The following GALNT17 variants were observed in gnomAD, a reference collection of about 807,000 sequenced individuals.
The protein encoded by GALNT17 is polypeptide N-acetylgalactosaminyltransferase 17.
GALNT17 carries 29 observed loss-of-function variants against 63.7 expected under a neutral mutation model. The ratio of observed to expected loss-of-function variants is 0.46; its 90% CI spans 0.34 to 0.62. The LOEUF (loss-of-function observed/expected upper bound fraction) is 0.62, where lower values mean the gene tolerates loss of function less well. Ranked by LOEUF, GALNT17 falls within the 20% of genes least tolerant of loss-of-function variation. The pLI, the probability that GALNT17 is intolerant of heterozygous loss-of-function variation, is 0.01. For synonymous variants in GALNT17, 305 were observed against 318.3 expected, an observed-to-expected ratio of 0.96 and a Z score of 0.45; for missense variants, 603 against 799.6, an observed-to-expected ratio of 0.75 and a Z score of 2.97.
rs751208987 is a variant in GALNT17 at position 71,369,158 on chromosome 7, A to G, written c.423-19077A>G. Among the ~76,000 whole-genome samples the G allele has an allele frequency of 9.8e-5, 15 of 152,326 alleles. No individual in the cohort carries two copies. In the South Asian group the frequency reaches 2.3e-3, roughly 23 times the overall value. The stretch of plus-strand genomic sequence containing the variant: ...TCTGCACAACCTACTCTTAGTACAC[A>G]TGACCAGAATGCCTTTTCTCTGTTA... On this transcript the variant is annotated intron_variant, in intron 2 of 10. Coordinates refer to ENST00000333538, the MANE Select transcript of GALNT17 (RefSeq NM_022479.3).
intron 2 of GALNT17, among the ~76,000 whole-genome samples, chr7:71,380,318 T>C (rs923625398): frequency 2.6e-5 from 4 of 152,064 alleles, no homozygotes; most frequent in African/African-American, 9.7e-5. Context: ...TATTTACTTA[T>C]TTTTTATTAG....
At chr7:71,408,898 GTGTGTGTATGTATGTA>G (rs1793378424) in intron 3 of GALNT17, among the ~76,000 whole-genome samples, 1 of 149,740 alleles carries the variant, frequency 6.7e-6, no homozygotes, top group South Asian at 2.1e-4. Flanking sequence ...ATATGTGTGT[GTGTGTGTATGTATGTA>G]TGTATGTATG....
rs147158480 is a variant in GALNT17 at position 71,590,568 on chromosome 7, G to A, written c.1080+19166G>A. Among the ~76,000 whole-genome samples, 19 of 152,306 alleles carry A rather than the reference G, an allele frequency of 1.2e-4. No homozygotes were observed. In the East Asian group the frequency reaches 2.7e-3, roughly 22 times the overall value. Reference sequence around the variant, plus strand: ...TATGGCTCTGGGTTTCTGGGGCAAGGCCCTAGGAGATGACATCCTGATGTG... The same window carrying A: ...TATGGCTCTGGGTTTCTGGGGCAAGACCCTAGGAGATGACATCCTGATGTG... On this transcript the variant is annotated intron_variant, in intron 6 of 10. Coordinates refer to ENST00000333538, the MANE Select transcript of GALNT17 (RefSeq NM_022479.3).
rs75083755 is a variant in GALNT17, at chr7:71,426,442, T to A, written c.962+5337T>A. Among the ~76,000 whole-genome samples, 423 of 152,344 alleles carry A rather than the reference T, an allele frequency of 2.8e-3. 11 individuals carry two copies. The East Asian group carries it at 0.062, about 22-fold the overall frequency. Reference sequence around the variant, plus strand: ...TGTTCTCCAAGAGCAACTTCCTTTCTGTTAGGCGGTTCTTGAATTGCTACA... The same window carrying A: ...TGTTCTCCAAGAGCAACTTCCTTTCAGTTAGGCGGTTCTTGAATTGCTACA... On this transcript the variant is annotated intron_variant, in intron 5 of 10. Transcript: ENST00000333538.
intron 5 of GALNT17, among the ~76,000 whole-genome samples, chr7:71,539,764 A>G (rs1788858254): frequency 1.7e-5 from 2 of 117,068 alleles, no homozygotes; most frequent in Non-Finnish European, 3.2e-5. Context: ...GCCTGGGCGC[A>G]TGATCACAGC....
intron 1 of GALNT17, among the ~76,000 whole-genome samples, chr7:71,321,192 C>G (rs1015797140): frequency 1.3e-5 from 2 of 152,118 alleles, no homozygotes; most frequent in Non-Finnish European, 2.9e-5. Flanking sequence ...CTTACCTGCT[C>G]CTAGATCAGC....
chr7:71,493,358 A>G (rs1055865140), intron 5 of GALNT17, among the ~76,000 whole-genome samples: 3 of 152,208 alleles, frequency 2.0e-5, no homozygotes, highest in Non-Finnish European at 4.4e-5. Flanking sequence ...AAAGAGAAGG[A>G]AATGAGTTTT....
At chr7:71,577,182 A>AT (rs1789552929) in intron 6 of GALNT17, among the ~76,000 whole-genome samples, 1 of 152,118 alleles carries the variant, frequency 6.6e-6, no homozygotes, top group Non-Finnish European at 1.5e-5. Context: ...GGACATAAAG[A>AT]TGGGAATGAC....
At chr7:71,630,702 G>A (rs367919232) in intron 6 of GALNT17, among the ~76,000 whole-genome samples, 1 of 152,098 alleles carries the variant, frequency 6.6e-6, no homozygotes, top group Non-Finnish European at 1.5e-5. Context: ...AAAATACCAG[G>A]GCACCTCATA....
chr7:71,378,323 C>A (rs1792782798), intron 2 of GALNT17, among the ~76,000 whole-genome samples: 1 of 152,126 alleles, frequency 6.6e-6, no homozygotes, highest in African/African-American at 2.4e-5. Flanking sequence ...CTCAGTGATT[C>A]CAACCCCCAT....
intron 1 of GALNT17, among the ~76,000 whole-genome samples, chr7:71,241,275 A>T (rs1173287064): frequency 6.6e-6 from 1 of 152,174 alleles, no homozygotes; most frequent in Non-Finnish European, 1.5e-5. Flanking sequence ...TGTTTGGGTA[A>T]GTAAGCTCCC....
chr7:71,278,139 T>G (rs993578879), intron 1 of GALNT17, among the ~76,000 whole-genome samples: 4 of 152,350 alleles, frequency 2.6e-5, no homozygotes, highest in African/African-American at 9.6e-5. Flanking sequence ...TCACTGTGTG[T>G]CAGTTACTAT....
At chr7:71,149,828 C>A (rs1344367376) in intron 1 of GALNT17, among the ~76,000 whole-genome samples, 1 of 152,194 alleles carries the variant, frequency 6.6e-6, no homozygotes, top group African/African-American at 2.4e-5. Flanking sequence ...TGCCCCGTGT[C>A]CTTCCTATGA....
chr7:71,560,119 G>A (rs929399640), intron 5 of GALNT17, among the ~76,000 whole-genome samples: 12 of 149,018 alleles, frequency 8.1e-5, no homozygotes, highest in Admixed American at 4.1e-4. Flanking sequence ...GCTTGAATCC[G>A]GGAGGCGGAG....
At chr7:71,524,578 T>C (rs1353426750) in intron 5 of GALNT17, among the ~76,000 whole-genome samples, 4 of 152,204 alleles carry the variant, frequency 2.6e-5, no homozygotes, top group Non-Finnish European at 5.9e-5. Context: ...CTAAAACATT[T>C]GGAAATTGTC....
rs139280744 is a variant in GALNT17 at position 71,418,996 on chromosome 7, G to A, written c.765-1912G>A. Among the ~76,000 whole-genome samples the A allele has an allele frequency of 6.5e-3, 984 of 152,220 alleles. 43 individuals carry two copies. The highest frequency in any genetic ancestry group is 0.062 in the Admixed American group (948 of 15,290). On this transcript the variant is annotated intron_variant, in intron 4 of 10. Coordinates refer to ENST00000333538, the MANE Select transcript of GALNT17 (RefSeq NM_022479.3). ...CTCAGGAGGCTGAGGCAGGAGAATC[G>A]CTTGAACCTGGGAGGCGGAAGTTGC...
intron 3 of GALNT17, among the ~76,000 whole-genome samples, chr7:71,408,420 G>T (rs1466728272): frequency 6.6e-6 from 1 of 152,196 alleles, no homozygotes; most frequent in Non-Finnish European, 1.5e-5. Flanking sequence ...AGTTGATGGT[G>T]TCAGAAGGAG....
intron 1 of GALNT17, among the ~76,000 whole-genome samples, chr7:71,243,245 T>G (rs1350715777): frequency 1.3e-5 from 2 of 152,194 alleles, no homozygotes; most frequent in African/African-American, 2.4e-5. Flanking sequence ...ATTGTAAGTT[T>G]CCTGAGGCCT....
intron 1 of GALNT17, among the ~76,000 whole-genome samples, chr7:71,275,882 G>A (rs1472659226): frequency 2.0e-5 from 3 of 152,272 alleles, no homozygotes; most frequent in Admixed American, 6.5e-5. Context: ...CTGGGAGATC[G>A]TGGGTCTTCC....
Sources: allele counts gnomAD v4.1 joint callset (sites outside exome capture counted in the v4.1 genomes callset), GRCh38; gene constraint gnomAD v4.1.1; transcripts MANE v1.5; gene names NCBI Gene and HGNC (gene_info 2026-07-23, HGNC 2026-07-21).